Variants in ZRANB3 observed in about 807,000 individuals in gnomAD.
ZRANB3 encodes the protein DNA annealing helicase and endonuclease ZRANB3.
A neutral mutation model predicts 133.8 loss-of-function variants in ZRANB3; 125 were observed. The ratio of observed to expected loss-of-function variants is 0.93; its 90% CI spans 0.81 to 1.08. The LOEUF (loss-of-function observed/expected upper bound fraction) is 1.08, where lower values mean the gene tolerates loss of function less well. Among genes scored for constraint, ZRANB3 ranks in the 50% least tolerant of loss-of-function variants. ZRANB3 has a pLI of 0.00. For synonymous variants in ZRANB3, 387 were observed against 432.7 expected, an observed-to-expected ratio of 0.89 and a Z score of 1.31; for missense variants, 1,229 against 1,275.5, an observed-to-expected ratio of 0.96 and a Z score of 0.56.
At chr2:135,512,234 A>G (rs1459839710) in intron 1 of ZRANB3, among the ~76,000 whole-genome samples, 3 of 152,348 alleles carry the variant, frequency 2.0e-5, no homozygotes, top group African/African-American at 4.8e-5. Flanking sequence ...AATACTTTCT[A>G]TCTTTTTAGG....
At chr2:135,426,930 GATTCACC>G (rs1351633493) in intron 2 of ZRANB3, among the ~76,000 whole-genome samples, 1 of 86,260 alleles carries the variant, frequency 1.2e-5, no homozygotes, top group Non-Finnish European at 2.2e-5. Context: ...CAATAAATAT[GATTCACC>G]ACATCAACGG....
chr2:135,455,936 AGTTGATTATTGTTTATG>A (rs1194801169), intron 2 of ZRANB3, among the ~76,000 whole-genome samples: 27 of 152,162 alleles, frequency 1.8e-4, no homozygotes, highest in Admixed American at 6.5e-5. Flanking sequence ...CAGTATCTCT[AGTTGATTATTGTTTATG>A]GATAAAATAT....
intron 12 of ZRANB3, among the ~76,000 whole-genome samples, chr2:135,233,670 A>G (rs965809562): frequency 1.3e-5 from 2 of 152,234 alleles, no homozygotes; most frequent in East Asian, 3.8e-4. Context: ...TTTTCAACCT[A>G]GAATTTCATA....
At chr2:135,485,874 A>G (rs963629753) in intron 2 of ZRANB3, among the ~76,000 whole-genome samples, 5 of 152,232 alleles carry the variant, frequency 3.3e-5, no homozygotes, top group Admixed American at 3.3e-4. Context: ...TTTGGATTAC[A>G]TTTTCTTCTT....
At chr2:135,474,709 A>G (rs929150654) in intron 2 of ZRANB3, among the ~76,000 whole-genome samples, 1 of 152,240 alleles carries the variant, frequency 6.6e-6, no homozygotes, top group Non-Finnish European at 1.5e-5. Flanking sequence ...ACCCAGCATC[A>G]GATATTCATT....
intron 2 of ZRANB3, among the ~76,000 whole-genome samples, chr2:135,483,687 C>A (rs1691952353): frequency 6.6e-6 from 1 of 152,054 alleles, no homozygotes; most frequent in Non-Finnish European, 1.5e-5. Context: ...TTTTCTAGTT[C>A]TTTTAATTGT....
At chr2:135,367,224 C>T (rs1685978947) in intron 3 of ZRANB3, among the ~76,000 whole-genome samples, 1 of 152,084 alleles carries the variant, frequency 6.6e-6, no homozygotes, top group Non-Finnish European at 1.5e-5. Context: ...TCTCTTGGAC[C>T]TGTATGGTAA....
intron 2 of ZRANB3, among the ~76,000 whole-genome samples, chr2:135,486,905 T>C (rs1692149145): frequency 6.6e-6 from 1 of 152,162 alleles, no homozygotes; most frequent in Non-Finnish European, 1.5e-5. Context: ...TTTAACCTCC[T>C]CCCATGAATC....
chr2:135,486,372 T>C (rs1484041165), intron 2 of ZRANB3, among the ~76,000 whole-genome samples: 5 of 152,224 alleles, frequency 3.3e-5, no homozygotes, highest in African/African-American at 1.2e-4. Context: ...AGAAACTGCT[T>C]TCTTTGCTCA....
intron 5 of ZRANB3, 115 bp downstream of exon 5, chr2:135,349,869 T>G: frequency 1.4e-6 from 1 of 729,818 alleles, no homozygotes; most frequent in Non-Finnish European, 2.3e-6. Context: ...AATGTACTCC[T>G]CTAGCATTTA....
intron 8 of ZRANB3, among the ~76,000 whole-genome samples, chr2:135,310,384 G>A (rs1682916309): frequency 6.6e-6 from 1 of 152,090 alleles, no homozygotes; most frequent in South Asian, 2.1e-4. Context: ...AATTTAAGGA[G>A]GGCAAAATAG....
intron 12 of ZRANB3, among the ~76,000 whole-genome samples, chr2:135,246,285 A>G (rs1386320819): frequency 1.3e-5 from 2 of 152,042 alleles, no homozygotes; most frequent in Non-Finnish European, 2.9e-5. Flanking sequence ...TCTGGTTTAT[A>G]AAAGAAGAAG....
intron 19 of ZRANB3, among the ~76,000 whole-genome samples, chr2:135,204,962 G>A (rs1000627226): frequency 2.0e-5 from 3 of 151,814 alleles, no homozygotes; most frequent in African/African-American, 7.3e-5. Context: ...AAGCCATCAT[G>A]CTGAAACAGC....
chr2:135,200,001 T>C lies in ZRANB3; in HGVS notation c.*341A>G, dbSNP rs1411916769. On this transcript the variant is annotated 3_prime_UTR_variant, in exon 21 of 21. Coordinates refer to ENST00000264159, the MANE Select transcript of ZRANB3 (RefSeq NM_032143.4). Reference sequence around the variant, plus strand: ...CCAGAACAATACTAATCCAGAAGCATTTTTAGGTAATTGAGAGTACATTTT... The same window carrying C: ...CCAGAACAATACTAATCCAGAAGCACTTTTAGGTAATTGAGAGTACATTTT... 3.0e-6 allele frequency: 1 copy of C among 329,548 alleles called. No homozygotes were observed. Among genetic ancestry groups the C allele is most frequent in the Non-Finnish European group, 5.8e-6 (1 of 171,686 alleles). The allele number at this position is 329,548 out of a possible 1,614,324, so 20.4% of individuals were successfully genotyped here.
intron 20 of ZRANB3, among the ~76,000 whole-genome samples, chr2:135,200,983 T>C (rs935842324): frequency 6.6e-6 from 1 of 152,118 alleles, no homozygotes; most frequent in Admixed American, 6.6e-5. Context: ...CTCGAACTCC[T>C]GACCTCAAGT....
At chr2:135,214,397 A>G (rs1307589697) in intron 17 of ZRANB3, among the ~76,000 whole-genome samples, 4 of 151,914 alleles carry the variant, frequency 2.6e-5, no homozygotes, top group African/African-American at 9.7e-5. Flanking sequence ...TTATGTATAT[A>G]TAATTTTATA....
chr2:135,340,502 A>G (rs1684601403), intron 6 of ZRANB3, among the ~76,000 whole-genome samples: 2 of 152,064 alleles, frequency 1.3e-5, no homozygotes, highest in Admixed American at 6.6e-5. Context: ...CTGGATCTAC[A>G]AGAAAAATAT....
chr2:135,428,301 G>C (rs1226583733), intron 2 of ZRANB3, among the ~76,000 whole-genome samples: 3 of 151,732 alleles, frequency 2.0e-5, no homozygotes, highest in African/African-American at 7.3e-5. Context: ...AAAATTAGCC[G>C]GGCTTGGTAG....
chr2:135,368,778 A>G (rs150401894), intron 3 of ZRANB3, among the ~76,000 whole-genome samples: 2 of 152,134 alleles, frequency 1.3e-5, no homozygotes, highest in African/African-American at 4.8e-5. Context: ...TGTACCCACA[A>G]AAATTAAAAA....
Sources: gnomAD v4.1 joint callset for allele counts (sites outside exome capture counted in the v4.1 genomes callset) on GRCh38, gnomAD v4.1.1 for gene constraint, MANE v1.5 for transcripts, NCBI Gene and HGNC (gene_info 2026-07-23, HGNC 2026-07-21) for gene names.